ERBB4: variants seen among roughly 807,000 people sequenced by gnomAD.
ERBB4 encodes receptor tyrosine-protein kinase erbB-4.
In ERBB4, 42 loss-of-function variants were observed where a neutral mutation model predicts 158.0. The observed-to-expected ratio is 0.27, with a 90% confidence interval of 0.21 to 0.34. ERBB4 has a LOEUF of 0.34. Ranked by LOEUF, ERBB4 falls within the 10% of genes least tolerant of loss-of-function variation. ERBB4 has a pLI of 1.00. For missense variants in ERBB4, 1,333 were observed against 1,624.1 expected (o/e 0.82, Z 3.08); for synonymous variants, 583 against 558.7 (o/e 1.04, Z -0.61).
At chr2:212,449,606 T>C (rs1420897543) in intron 1 of ERBB4, among the ~76,000 whole-genome samples, 1 of 152,152 alleles carries the variant, frequency 6.6e-6, no homozygotes, top group East Asian at 1.9e-4. Context: ...ATTTTTATTA[T>C]TGCTTTTATT....
intron 1 of ERBB4, among the ~76,000 whole-genome samples, chr2:212,240,102 A>G (rs2084027737): frequency 1.3e-5 from 2 of 152,190 alleles, no homozygotes; most frequent in African/African-American, 4.8e-5. Context: ...AGCAAATTAA[A>G]TGCGTCTTAT....
At chr2:211,600,353 A>G (rs2068763130) in intron 19 of ERBB4, among the ~76,000 whole-genome samples, 1 of 152,206 alleles carries the variant, frequency 6.6e-6, no homozygotes, top group African/African-American at 2.4e-5. Context: ...GATAATAGCA[A>G]GTGAAAAAAT....
chr2:211,948,096 C>T (rs1468925330), intron 2 of ERBB4, among the ~76,000 whole-genome samples: 1 of 152,042 alleles, frequency 6.6e-6, no homozygotes, highest in South Asian at 2.1e-4. Context: ...ATAACAATTG[C>T]CCTGTACATC....
chr2:212,405,199 A>G lies in ERBB4; in HGVS notation c.82+133250T>C, dbSNP rs575818206. 2.6e-5 allele frequency among the ~76,000 whole-genome samples: 4 copies of G among 152,236 alleles called. No homozygotes were observed. The South Asian group carries it at 8.3e-4, about 32-fold the overall frequency. On this transcript the variant is annotated intron_variant, in intron 1 of 27. Coordinates refer to ENST00000342788, the MANE Select transcript of ERBB4 (RefSeq NM_005235.3). ...AAAGGACATGAACAGACACTTTTCAAAAGAAGACATACATGCGGCCAACAA... is the reference window on the plus strand; with the variant it reads ...AAAGGACATGAACAGACACTTTTCAGAAGAAGACATACATGCGGCCAACAA...
chr2:212,446,834 T>G (rs1206937130), intron 1 of ERBB4, among the ~76,000 whole-genome samples: 1 of 150,602 alleles, frequency 6.6e-6, no homozygotes, highest in South Asian at 2.1e-4. Flanking sequence ...AGTTCAAATA[T>G]AGAGTGGAAC....
intron 25 of ERBB4, among the ~76,000 whole-genome samples, chr2:211,418,539 A>G (rs531272264): frequency 1.3e-5 from 2 of 152,292 alleles, no homozygotes; most frequent in South Asian, 2.1e-4. Flanking sequence ...CTTTGTCTCA[A>G]TAATTCCATC....
At chr2:211,734,909 C>CGAA (rs2074553488) in intron 5 of ERBB4, among the ~76,000 whole-genome samples, 1 of 69,306 alleles carries the variant, frequency 1.4e-5, no homozygotes, top group Admixed American at 1.8e-4. Context: ...GAGACTCTGT[C>CGAA]AAAAAAAAAA....
chr2:211,777,215 C>T (rs1449698342), intron 4 of ERBB4: 1 of 152,128 alleles, frequency 6.6e-6, no homozygotes, highest in Non-Finnish European at 1.5e-5. Flanking sequence ...TATACTTCTC[C>T]TCACATGACA....
chr2:211,735,813 G>A (rs1389731903), intron 5 of ERBB4, among the ~76,000 whole-genome samples: 1 of 152,020 alleles, frequency 6.6e-6, no homozygotes, highest in African/African-American at 2.4e-5. Flanking sequence ...AGAAGAATAT[G>A]TTTTGCTTTT....
chr2:211,773,163 T>C (rs746789654), intron 4 of ERBB4, among the ~76,000 whole-genome samples: 7 of 150,644 alleles, frequency 4.6e-5, no homozygotes, highest in Non-Finnish European at 1.0e-4. Context: ...AGCCCAGCTG[T>C]GACATGACGG....
intron 5 of ERBB4, among the ~76,000 whole-genome samples, chr2:211,736,843 T>C (rs928876878): frequency 1.3e-5 from 2 of 152,204 alleles, no homozygotes; most frequent in East Asian, 3.9e-4. Context: ...ACTTTTTGGA[T>C]CCTCTCCAAG....
At chr2:211,508,181 A>G (rs2065797262) in intron 20 of ERBB4, among the ~76,000 whole-genome samples, 1 of 152,162 alleles carries the variant, frequency 6.6e-6, no homozygotes. Flanking sequence ...AGAAACTATC[A>G]TCAGAGTGAA....
chr2:211,444,526 G>A (rs1485792192), intron 20 of ERBB4, among the ~76,000 whole-genome samples: 1 of 151,904 alleles, frequency 6.6e-6, no homozygotes, highest in Non-Finnish European at 1.5e-5. Flanking sequence ...ATGAAAATCA[G>A]GGACACCTTG....
intron 9 of ERBB4, among the ~76,000 whole-genome samples, chr2:211,709,872 G>A (rs1215915878): frequency 1.3e-5 from 2 of 152,098 alleles, no homozygotes; most frequent in African/African-American, 4.8e-5. Flanking sequence ...ATATAACAAT[G>A]TGTCTGGCTA....
Position 211,948,449 on chromosome 2 carries a change from A to G in ERBB4, c.235-833T>C, listed in dbSNP as rs916351603. ...GACTCTGTCTCACAAAAAAAAAAAAAAAAAAAAAAAAAAACCTAATTGTTG... is the reference window on the plus strand; with the variant it reads ...GACTCTGTCTCACAAAAAAAAAAAAGAAAAAAAAAAAAAACCTAATTGTTG... On this transcript the variant is annotated intron_variant, in intron 2 of 27. Coordinates refer to ENST00000342788, the MANE Select transcript of ERBB4 (RefSeq NM_005235.3). Among the ~76,000 whole-genome samples the G allele has an allele frequency of 7.9e-5, 12 of 151,092 alleles. 1 individual carries two copies. The highest frequency in any genetic ancestry group is 1.6e-4 in the Non-Finnish European group (11 of 67,732).
chr2:211,888,518 A>G (rs1456664208), intron 3 of ERBB4, among the ~76,000 whole-genome samples: 1 of 152,186 alleles, frequency 6.6e-6, no homozygotes, highest in Non-Finnish European at 1.5e-5. Context: ...TTATGCAGGT[A>G]AATATTCATT....
At chr2:211,394,010 G>A (rs1211785430) in intron 25 of ERBB4, among the ~76,000 whole-genome samples, 1 of 152,062 alleles carries the variant, frequency 6.6e-6, no homozygotes, top group African/African-American at 2.4e-5. Flanking sequence ...CTGAGGGTAA[G>A]TAAGCTATTG....
chr2:212,396,873 A>C (rs764709650), intron 1 of ERBB4, among the ~76,000 whole-genome samples: 1 of 152,164 alleles, frequency 6.6e-6, no homozygotes, highest in Non-Finnish European at 1.5e-5. Context: ...TTTTCATCAT[A>C]ATAACCTCCT....
In ERBB4 at chr2:212,105,894, C is replaced by A. The variant is rs1015418445; in HGVS notation, c.234+18858G>T. On this transcript the variant is annotated intron_variant, in intron 2 of 27. Coordinates refer to ENST00000342788, the MANE Select transcript of ERBB4 (RefSeq NM_005235.3). ...GATAGTTTTTATAAAGGAGAGTTTT[C>A]TTGCACAAGTTCCATTATTCTCTCT... 2.0e-5 allele frequency among the ~76,000 whole-genome samples: 3 copies of A among 152,146 alleles called. No individual in the cohort carries two copies. In the South Asian group the frequency reaches 6.2e-4, roughly 32 times the overall value.
Sources: gnomAD v4.1 joint callset for allele counts (sites outside exome capture counted in the v4.1 genomes callset) on GRCh38, gnomAD v4.1.1 for gene constraint, MANE v1.5 for transcripts, NCBI Gene and HGNC (gene_info 2026-07-23, HGNC 2026-07-21) for gene names.